MYO15A: variants seen among roughly 807,000 people sequenced by gnomAD.
MYO15A encodes the protein unconventional myosin-XV.
Under a neutral mutation model 394.6 loss-of-function variants are expected in MYO15A, and 308 were observed. The ratio of observed to expected loss-of-function variants is 0.78; its 90% CI spans 0.71 to 0.86. The LOEUF (loss-of-function observed/expected upper bound fraction) is 0.86, where lower values mean the gene tolerates loss of function less well. Among genes scored for constraint, MYO15A ranks in the 40% least tolerant of loss-of-function variants. MYO15A has a pLI of 0.00. For synonymous variants in MYO15A, 1,957 were observed against 2,003.8 expected (o/e 0.98, Z 0.62); for missense variants, 4,606 against 4,799.1 (o/e 0.96, Z 1.19).
chr17:18,154,387 CCA>C (rs1462302956), intron 44 of MYO15A, among the ~76,000 whole-genome samples, 197 bp downstream of exon 44: 1 of 152,170 alleles, frequency 6.6e-6, no homozygotes, highest in East Asian at 1.9e-4. Context: ...CCAATCAGAG[CCA>C]TAGTCTGTCT....
In MYO15A at chr17:18,119,362, C is replaced by T. The variant is rs2045857282; in HGVS notation, c.562C>T (p.Arg188Trp). 3 of 1,609,338 alleles carry T rather than the reference C, an allele frequency of 1.9e-6. No homozygotes were observed. The highest frequency in any genetic ancestry group is 1.7e-5 in the Admixed American group (1 of 59,956). ...AEILRPGGRL[R>W]RFPRSRSIYA... The stretch of plus-strand genomic sequence containing the variant: ...GATCCTGCGGCCTGGGGGCCGGCTC[C>T]GGAGGTTCCCCCGCAGCCGCAGCAT... The change falls in exon 2 of 66, where the codon CGG (arginine) becomes TGG (tryptophan). Residue 188 changes from arginine to tryptophan, a missense_variant. Arg to Trp is a moderately radical substitution (Grantham distance 101). Coordinates refer to ENST00000647165, the MANE Select transcript of MYO15A (RefSeq NM_016239.4).
Position 18,145,879 on chromosome 17 carries a change from G to A in MYO15A, c.6281G>A (p.Arg2094His), listed in dbSNP as rs758337093. The stretch of plus-strand genomic sequence containing the variant: ...ACTCTGTTCGTGGCCCAGATCCTGC[G>A]CTTCATGGGCGACCCCCACCTGCAT... ...EAVSIFKLIL[R>H]FMGDPHLHGA... The change falls in exon 30 of 66, where the codon CGC becomes CAC. Residue 2094 changes from arginine to histidine, a missense_variant. Physicochemically the swap from Arg to His is conservative, Grantham distance 29 (BLOSUM62 0). Transcript: ENST00000647165. The A allele has an allele frequency of 8.1e-6, 13 of 1,613,194 alleles. No homozygotes were observed. The highest frequency in any genetic ancestry group is 1.3e-5 in the African/African-American group (1 of 75,026).
Position 18,120,491 on chromosome 17 carries a change from C to A in MYO15A, c.1691C>A (p.Pro564His). Residue 564 changes from proline (P) to histidine (H), a missense_variant, in exon 2 of 66, where the codon CCC (proline) becomes CAC (histidine). Physicochemically the swap from Pro to His is moderately conservative, Grantham distance 77. Around this residue, in one of 2 missense-constraint regions of MYO15A, gnomAD observed 1,830 missense variants for 1,689.7 expected, o/e 1.08. Transcript: ENST00000647165. ...GGCTTCGGCCCTGAGTTTGGCCGCC[C>A]CGTGCCTCGCCCTGCCACCTCGCTT... ...GLGFGPEFGR[P>H]VPRPATSLAR... 1 of 1,573,732 alleles carries A rather than the reference C, an allele frequency of 6.4e-7. No homozygotes were observed. Among genetic ancestry groups the A allele is most frequent in the Non-Finnish European group, 8.6e-7 (1 of 1,163,442 alleles).
chr17:18,118,932 A>C lies in MYO15A; in HGVS notation c.132A>C (p.Thr44=). The C allele has an allele frequency of 6.2e-7, 1 of 1,613,598 alleles. No homozygotes were observed. Among genetic ancestry groups the C allele is most frequent in the Non-Finnish European group, 8.5e-7 (1 of 1,179,970 alleles). The change falls in exon 2 of 66, where the codon ACA becomes ACC. Residue 44 remains threonine, a synonymous_variant. Transcript: ENST00000647165. ...SRLFMGFRDR[T]PKISKKGQFR... The stretch of plus-strand genomic sequence containing the variant: ...TGTTCATGGGCTTCCGCGACCGTAC[A>C]CCCAAGATCTCCAAGAAGGGCCAGT...
Position 18,137,699 on chromosome 17 carries a change from A to T in MYO15A, c.4875+20A>T. On this transcript the variant is annotated intron_variant, in intron 16 of 65. Transcript: ENST00000647165. Reference sequence around the variant, plus strand: ...GAGCAGGTGTGTGGGCCCCATTAATACTCCTGTCCCTGTCTTGACTGGCCA... The same window carrying T: ...GAGCAGGTGTGTGGGCCCCATTAATTCTCCTGTCCCTGTCTTGACTGGCCA... 6.2e-7 allele frequency: 1 copy of T among 1,610,414 alleles called. No individual in the cohort carries two copies. Among genetic ancestry groups the T allele is most frequent in the Non-Finnish European group, 8.5e-7 (1 of 1,177,872 alleles).
Position 18,118,673 on chromosome 17 carries a change from C to CG in MYO15A, c.-125dup. 6.9e-7 allele frequency: 1 copy of CG among 1,447,276 alleles called. No homozygotes were observed. The highest frequency in any genetic ancestry group is 9.4e-7 in the Non-Finnish European group (1 of 1,066,950). 89.7% of individuals were successfully genotyped at this position (1,447,276 alleles called of 1,614,324 possible). A position where few individuals can be genotyped will look rare whatever the true frequency, so the allele number is the denominator to read the frequency against. ...CCTCCCCACGCCACCCAGGGCCAGT[C>CG]GGGTCTGCTCACAGCCCGAGGAGGC... On this transcript the variant is annotated 5_prime_UTR_variant, in exon 2 of 66. The change abolishes the stop of an existing upstream ORF in the 5' untranslated region. Transcript: ENST00000647165.
chr17:18,157,164 G>A lies in MYO15A; in HGVS notation c.8722G>A (p.Ala2908Thr). 1 of 1,610,860 alleles carries A rather than the reference G, an allele frequency of 6.2e-7. No individual in the cohort carries two copies. Among genetic ancestry groups the A allele is most frequent in the Non-Finnish European group, 8.5e-7 (1 of 1,178,554 alleles). Residue 2908 changes from alanine (A) to threonine (T), a missense_variant, in exon 50 of 66, where the codon GCT becomes ACT. Ala to Thr is a moderately conservative substitution (Grantham distance 58). Coordinates refer to ENST00000647165, the MANE Select transcript of MYO15A (RefSeq NM_016239.4). The part of the protein sequence containing the change: ...PLEPPRVGYS[A>T]GCVVRRKVVY... ...CCGAGCCTGGCCCATAGGCTACAGT[G>A]CTGGCTGCGTGGTTCGCAGGAAGGT... is the stretch of plus-strand genomic sequence containing the variant.
At chr17:18,128,124 G>A (rs2046086654) in intron 7 of MYO15A, among the ~76,000 whole-genome samples, 1 of 152,058 alleles carries the variant, frequency 6.6e-6, no homozygotes, top group African/African-American at 2.4e-5. Flanking sequence ...CTACAGAGAA[G>A]ACAGACTGGG....
Position 18,151,431 on chromosome 17 carries a change from T to C in MYO15A, c.7691T>C (p.Leu2564Pro), listed in dbSNP as rs755166793. Residue 2564 changes from leucine (L) to proline (P), a missense_variant, in exon 40 of 66, where the codon CTC (leucine) becomes CCC (proline). Physicochemically the swap from Leu to Pro is moderately conservative, Grantham distance 98. Coordinates refer to ENST00000647165, the MANE Select transcript of MYO15A (RefSeq NM_016239.4). ...CCAGAGCTGGTCCGGTACTCTACGC[T>C]CAACTCTGAGCACTTCCCACAGCCC... is the stretch of plus-strand genomic sequence containing the variant. ...PSPELVRYST[L>P]NSEHFPQPTQ... 2 of 1,614,112 alleles carry C rather than the reference T, an allele frequency of 1.2e-6. No individual in the cohort carries two copies. Among genetic ancestry groups the C allele is most frequent in the East Asian group, 2.2e-5 (1 of 44,870 alleles).
At position 18,121,395 on chromosome 17, in the gene MYO15A, C is replaced by T; in HGVS notation, c.2595C>T (p.Pro865=). The T allele has an allele frequency of 1.3e-6, 2 of 1,534,498 alleles. No homozygotes were observed. The highest frequency in any genetic ancestry group is 1.7e-6 in the Non-Finnish European group (2 of 1,144,154). Residue 865 remains proline, a synonymous_variant, in exon 2 of 66, where the codon CCC becomes CCT. Transcript: ENST00000647165. This position sits in a 1 kb window ranked among gnomAD's most constrained non-coding sequence, Gnocchi z 5.3. ...HSPRRSSLNL[P]SRLPHTWRRL... is the part of the protein sequence containing the mutation. ...CGCGGCGCAGCTCCCTGAATCTGCC[C>T]TCGCGCCTCCCGCACACGTGGCGGC... is the stretch of plus-strand genomic sequence containing the variant.
At chr17:18,158,223 A>T in intron 51 of MYO15A, 1 of 586,422 alleles carries the variant, frequency 1.7e-6, no homozygotes, top group Non-Finnish European at 3.0e-6. Flanking sequence ...GTGCCAGGTG[A>T]GTGGGCGGCT....
Position 18,140,542 on chromosome 17 carries a change from A to G in MYO15A, c.5237A>G (p.His1746Arg), listed in dbSNP as rs1417723633. 1 of 1,613,492 alleles carries G rather than the reference A, an allele frequency of 6.2e-7. No homozygotes were observed. The highest frequency in any genetic ancestry group is 2.2e-5 in the East Asian group (1 of 44,894). ...TRVVAHLFSSHAPQAAPQRLG... is the reference protein window; with the variant it reads ...TRVVAHLFSSRAPQAAPQRLG... ...GTGGTGGCACACCTCTTCTCCAGCC[A>G]TGCCCCACAGGCTGCCCCTCAGCGC... is the stretch of plus-strand genomic sequence containing the variant. The change falls in exon 20 of 66, where the codon CAT (histidine) becomes CGT (arginine). Residue 1746 changes from histidine to arginine, a missense_variant. Physicochemically the swap from His to Arg is conservative, Grantham distance 29. Transcript: ENST00000647165.
At position 18,119,456 on chromosome 17, in the gene MYO15A, C is replaced by G. The variant is rs2045860839; in HGVS notation, c.656C>G (p.Ser219Cys). The G allele has an allele frequency of 1.9e-6, 3 of 1,612,680 alleles. No individual in the cohort carries two copies. ...EDEAPFHHSGSRKSLYGLEGF... is the reference protein window; with the variant it reads ...EDEAPFHHSGCRKSLYGLEGF... ...GAGGCCCCATTCCATCACTCGGGCT[C>G]CCGCAAGTCGCTGTACGGGCTTGAG... Residue 219 changes from serine to cysteine, a missense_variant, in exon 2 of 66, where the codon TCC becomes TGC. Physicochemically the swap from Ser to Cys is moderately radical, Grantham distance 112. Transcript: ENST00000647165.
intron 45 of MYO15A, 53 bp from the exon 46 acceptor site, chr17:18,155,057 G>A (rs1252173307): frequency 6.5e-7 from 1 of 1,534,894 alleles, no homozygotes; most frequent in African/African-American, 1.4e-5. Context: ...CCCCGAGATG[G>A]GGGTTGCCAG....
chr17:18,129,313 A>G (rs1190489383), intron 7 of MYO15A, among the ~76,000 whole-genome samples: 1 of 152,174 alleles, frequency 6.6e-6, no homozygotes, highest in Non-Finnish European at 1.5e-5. Flanking sequence ...GCCCTGCTGT[A>G]TGCTGGGCAC....
intron 42 of MYO15A, among the ~76,000 whole-genome samples, chr17:18,152,680 G>A (rs991974649): frequency 2.0e-5 from 3 of 152,146 alleles, no homozygotes; most frequent in African/African-American, 4.8e-5. Context: ...CCTATGAGAC[G>A]CGACATGATG....
intron 2 of MYO15A, 55 bp from the exon 3 acceptor site, chr17:18,124,428 G>C: frequency 6.3e-7 from 1 of 1,579,704 alleles, no homozygotes. Context: ...CCAGGGGTCA[G>C]TGGGGGAGGG....
Position 18,118,565 on chromosome 17 carries a change from T to C in MYO15A, c.-219-17T>C. On this transcript the variant is annotated splice_polypyrimidine_tract_variant and intron_variant, in intron 1 of 65. Coordinates refer to ENST00000647165, the MANE Select transcript of MYO15A (RefSeq NM_016239.4). ...TCCTGGTAAACAACACCCACACACT[T>C]TCTACTACTGCTCTAGGGTGAAACC... 6 of 593,086 alleles carry C rather than the reference T, an allele frequency of 1.0e-5. 1 individual carries two copies. In the South Asian group the frequency reaches 1.2e-4, roughly 12 times the overall value. The allele number at this position is 593,086 out of a possible 1,614,324, so 36.7% of individuals were successfully genotyped here. A position where few individuals can be genotyped will look rare whatever the true frequency, so the allele number is the denominator to read the frequency against.
At chr17:18,178,626 C>T (rs2047048184) in intron 65 of MYO15A, 143 bp from the exon 66 acceptor site, 2 of 813,350 alleles carry the variant, frequency 2.5e-6, no homozygotes, top group Admixed American at 4.0e-5. Flanking sequence ...CCTCTCAGGC[C>T]CTGGGGGAGG....
Sources: allele counts gnomAD v4.1 joint callset (sites outside exome capture counted in the v4.1 genomes callset), GRCh38; gene constraint gnomAD v4.1.1; regional missense constraint gnomAD v4.1.1; non-coding constraint Gnocchi (gnomAD v3.1); transcripts MANE v1.5; gene names NCBI Gene and HGNC (gene_info 2026-07-23, HGNC 2026-07-21).